PAFAH2: variants seen among roughly 807,000 people sequenced by gnomAD.
PAFAH2 encodes the protein platelet-activating factor acetylhydrolase 2, cytoplasmic.
A neutral mutation model predicts 49.0 loss-of-function variants in PAFAH2; 42 were observed. The ratio of observed to expected loss-of-function variants is 0.86; its 90% CI spans 0.67 to 1.11. The LOEUF is 1.11. PAFAH2 is among the 50% of genes least tolerant of loss of function. PAFAH2 has a pLI of 0.00. For synonymous variants in PAFAH2, 184 were observed against 181.3 expected (o/e 1.01, Z -0.12); for missense variants, 503 against 501.8 (o/e 1.00, Z -0.02).
rs1572334474 is a variant in PAFAH2, at chr1:25,962,015, C to G, written c.1153G>C (p.Ala385Pro). The change falls in exon 11 of 11, where the codon GCC becomes CCC. Residue 385 changes from alanine (A) to proline (P), a missense_variant. Coordinates refer to ENST00000374282, the MANE Select transcript of PAFAH2 (RefSeq NM_000437.4). ...EGIGPSLTPG[A>P]PHHLSSL is the part of the protein sequence containing the mutation. The stretch of plus-strand genomic sequence containing the variant: ...TACAGGCTGGACAGATGGTGGGGGG[C>G]CCCTGGGGTGAGCGACGGTCCAATG... The G allele has an allele frequency of 1.2e-6, 2 of 1,613,458 alleles. No individual in the cohort carries two copies. The highest frequency in any genetic ancestry group is 2.7e-5 in the African/African-American group (2 of 74,922).
intron 10 of PAFAH2, among the ~76,000 whole-genome samples, chr1:25,967,795 G>T (rs760155183): frequency 7.2e-5 from 11 of 152,176 alleles, no homozygotes; most frequent in Non-Finnish European, 1.2e-4. Flanking sequence ...GGATATTGAG[G>T]TCAAGAGAAA....
At position 25,977,993 on chromosome 1, in the gene PAFAH2, C is replaced by T. The variant is rs779372820; in HGVS notation, c.667-1220G>A. ...TCACACGTATCTATTTCTAGTCGTC[C>T]CCAGAAGCCTTCAGGGTATGGTTAT... On this transcript the variant is annotated intron_variant, in intron 7 of 10. Transcript: ENST00000374282. Among the ~76,000 whole-genome samples, 31 of 152,082 alleles carry T rather than the reference C, an allele frequency of 2.0e-4. 1 individual carries two copies. The highest frequency in any genetic ancestry group is 4.3e-4 in the Non-Finnish European group (29 of 68,022).
intron 10 of PAFAH2, among the ~76,000 whole-genome samples, chr1:25,965,900 T>C (rs2049414219): frequency 8.0e-6 from 1 of 125,368 alleles, no homozygotes; most frequent in African/African-American, 3.1e-5. Flanking sequence ...CATAATCCCA[T>C]TAAAAAGTAG....
intron 10 of PAFAH2, among the ~76,000 whole-genome samples, chr1:25,969,177 AAC>A (rs2049471025): frequency 6.6e-6 from 1 of 152,096 alleles, no homozygotes. Context: ...AGATACACTA[AAC>A]ACAGTTTCCC....
chr1:25,976,705 A>C lies in PAFAH2; in HGVS notation c.735T>G (p.Ala245=). The C allele has an allele frequency of 6.2e-7, 1 of 1,614,228 alleles. No homozygotes were observed. Among genetic ancestry groups the C allele is most frequent in the Non-Finnish European group, 8.5e-7 (1 of 1,180,006 alleles). ...ACCGAAATTGGGTCTCCTTGGCCAA[A>C]GCCAGAATAGCTGTGGCCCCTCCAA... is the stretch of plus-strand genomic sequence containing the variant. ...HSFGGATAIL[A]LAKETQFRCA... Residue 245 remains alanine (A), a synonymous_variant, in exon 8 of 11, where the codon GCT becomes GCG. Transcript: ENST00000374282.
intron 10 of PAFAH2, among the ~76,000 whole-genome samples, chr1:25,963,451 TG>T (rs1299726622): frequency 6.6e-6 from 1 of 152,128 alleles, no homozygotes. Flanking sequence ...AGGGAAGCAC[TG>T]GTGGTGGCCA....
At chr1:25,963,238 T>TCAATGTATAAGTACTACATACTA (rs1553133859) in intron 10 of PAFAH2, among the ~76,000 whole-genome samples, 2 of 152,188 alleles carry the variant, frequency 1.3e-5, no homozygotes, top group African/African-American at 4.8e-5. Flanking sequence ...TACTACATAG[T>TCAATGTATAAGTACTACATACTA]CATTAATTCA....
At position 25,975,413 on chromosome 1, in the gene PAFAH2, T is replaced by TA. The variant is rs112299425; in HGVS notation, c.759-764dup. ...GGCAACATAGCAAGACACCATCTCT[T>TA]AAAAAAAAAAATTAAAAAATTAGCA... On this transcript the variant is annotated intron_variant, in intron 8 of 10. Coordinates refer to ENST00000374282, the MANE Select transcript of PAFAH2 (RefSeq NM_000437.4). 8.0e-3 allele frequency among the ~76,000 whole-genome samples: 1,183 copies of TA among 147,200 alleles called. 21 individuals carry two copies. The highest frequency in any genetic ancestry group is 0.027 in the African/African-American group (1,089 of 40,302).
chr1:25,971,330 C>T (rs1333083616), intron 10 of PAFAH2, among the ~76,000 whole-genome samples: 1 of 152,086 alleles, frequency 6.6e-6, no homozygotes, highest in Non-Finnish European at 1.5e-5. Flanking sequence ...GGAGCTGATA[C>T]AATCAAATTG....
At chr1:25,979,619 C>T (rs2049651350) in intron 7 of PAFAH2, among the ~76,000 whole-genome samples, 1 of 152,152 alleles carries the variant, frequency 6.6e-6, no homozygotes, top group African/African-American at 2.4e-5. Context: ...TCCCAAGTAG[C>T]TGGGATCACA....
chr1:25,984,047 G>C lies in PAFAH2; in HGVS notation c.451C>G (p.Pro151Ala). Residue 151 changes from proline to alanine, a missense_variant, in exon 6 of 11, where the codon CCA (proline) becomes GCA (alanine). Pro to Ala is a conservative substitution (Grantham distance 27). Transcript: ENST00000374282. ...TCATTGGTGGGCTGGTTCTCTTCTG[G>C]GGCCTGCTTGCAGAAATAGGTGGTT... is the stretch of plus-strand genomic sequence containing the variant. ...AATTYFCKQA[P>A]EENQPTNESL... 6.2e-7 allele frequency: 1 copy of C among 1,614,060 alleles called. No homozygotes were observed. The highest frequency in any genetic ancestry group is 8.5e-7 in the Non-Finnish European group (1 of 1,180,002).
chr1:25,995,049 T>C (rs148051055), intron 1 of PAFAH2, among the ~76,000 whole-genome samples: 4 of 152,338 alleles, frequency 2.6e-5, no homozygotes, highest in African/African-American at 9.6e-5. Context: ...TCATTTCTAA[T>C]AAAAGTCATG....
At chr1:25,976,486 C>T (rs2049590797) in intron 8 of PAFAH2, among the ~76,000 whole-genome samples, 196 bp downstream of exon 8, 1 of 152,056 alleles carries the variant, frequency 6.6e-6, no homozygotes, top group African/African-American at 2.4e-5. Context: ...ATTTTATTAT[C>T]GGTTGGCTTT....
intron 8 of PAFAH2, among the ~76,000 whole-genome samples, chr1:25,975,863 C>T (rs2049580235): frequency 6.6e-6 from 1 of 152,164 alleles, no homozygotes; most frequent in African/African-American, 2.4e-5. Flanking sequence ...AAATCTTCAA[C>T]AGTTTCCCAT....
At chr1:25,975,580 G>A (rs1407185118) in intron 8 of PAFAH2, among the ~76,000 whole-genome samples, 2 of 151,878 alleles carry the variant, frequency 1.3e-5, no homozygotes, top group Non-Finnish European at 2.9e-5. Flanking sequence ...GTCTCAGAGG[G>A]AAAAAAATAA....
At chr1:25,976,995 A>T (rs2124338805) in intron 7 of PAFAH2, among the ~76,000 whole-genome samples, 1 of 150,456 alleles carries the variant, frequency 6.6e-6, no homozygotes, top group African/African-American at 2.4e-5. Context: ...AATTGTGAGA[A>T]TCACACTTTT....
chr1:25,977,023 T>C (rs2049601747), intron 7 of PAFAH2, among the ~76,000 whole-genome samples: 1 of 89,054 alleles, frequency 1.1e-5, no homozygotes, highest in Non-Finnish European at 2.9e-5. Flanking sequence ...ACTTTTTTTT[T>C]TTTTTTTTTT....
Position 25,974,636 on chromosome 1 carries a change from A to G in PAFAH2, c.773T>C (p.Leu258Pro), listed in dbSNP as rs1317919629. ...KETQFRCAVA[L>P]DAWMFPLERD... is the part of the protein sequence containing the mutation. ...TTCCAGAGGAAACATCCAAGCATCC[A>G]GAGCCACCGCACACCTGGAATAGGA... is the stretch of plus-strand genomic sequence containing the variant. Residue 258 changes from leucine to proline, a missense_variant, in exon 9 of 11, where the codon CTG (leucine) becomes CCG (proline). Leu to Pro is a moderately conservative substitution (Grantham distance 98). Coordinates refer to ENST00000374282, the MANE Select transcript of PAFAH2 (RefSeq NM_000437.4). The G allele has an allele frequency of 1.2e-6, 2 of 1,613,662 alleles. No homozygotes were observed. The highest frequency in any genetic ancestry group is 1.3e-5 in the African/African-American group (1 of 74,920).
In PAFAH2 at chr1:25,972,701, T is replaced by A. The variant is rs138864561; in HGVS notation, c.941A>T (p.His314Leu). Residue 314 changes from histidine to leucine, a missense_variant, in exon 10 of 11, where the codon CAT becomes CTT. Transcript: ENST00000374282. ...AAAAGCAAAGTCAGTTTGACTCCGATGAACAGAACCACTAGGGGAAAAGAA... is the reference window on the plus strand; with the variant it reads ...AAAAGCAAAGTCAGTTTGACTCCGAAGAACAGAACCACTAGGGGAAAAGAA... The part of the protein sequence containing the change: ...SRIITVLGSV[H>L]RSQTDFAFVT... The A allele has an allele frequency of 6.2e-7, 1 of 1,613,924 alleles. No individual in the cohort carries two copies. Among genetic ancestry groups the A allele is most frequent in the Non-Finnish European group, 8.5e-7 (1 of 1,179,850 alleles).
Sources: allele counts gnomAD v4.1 joint callset (sites outside exome capture counted in the v4.1 genomes callset), GRCh38; gene constraint gnomAD v4.1.1; transcripts MANE v1.5; gene names NCBI Gene and HGNC (gene_info 2026-07-23, HGNC 2026-07-21).